The following CACNA2D3 variants were observed in gnomAD, a reference collection of about 807,000 sequenced individuals.
CACNA2D3 encodes the protein voltage-dependent calcium channel subunit alpha-2/delta-3.
In CACNA2D3, 60 loss-of-function variants were observed where a neutral mutation model predicts 160.6. The observed-to-expected ratio is 0.37, with a 90% CI of 0.30 to 0.46. CACNA2D3 has a LOEUF of 0.46. Ranked by LOEUF, CACNA2D3 falls within the 20% of genes least tolerant of loss-of-function variation. The pLI is 1.00. For missense variants in CACNA2D3, 1,205 were observed against 1,365.0 expected (o/e 0.88, Z 1.85); for synonymous variants, 558 against 492.9 (o/e 1.13, Z -1.75).
chr3:54,982,984 C>T (rs1702539322), intron 29 of CACNA2D3, among the ~76,000 whole-genome samples: 1 of 152,144 alleles, frequency 6.6e-6, no homozygotes, highest in Non-Finnish European at 1.5e-5. Flanking sequence ...CATCCTGTGA[C>T]TTAGAATGCC....
Position 54,445,025 on chromosome 3 carries a change from T to A in CACNA2D3, c.381+58251T>A, listed in dbSNP as rs1022776610. Among the ~76,000 whole-genome samples the A allele has an allele frequency of 3.9e-5, 6 of 152,208 alleles. 1 individual carries two copies. The South Asian group carries it at 6.2e-4, about 16-fold the overall frequency. On this transcript the variant is annotated intron_variant, in intron 4 of 37. Transcript: ENST00000474759. ...TGCCATGAGGGAGTCTCAGTCTGAT[T>A]TAAATGTACTGGAGAATGCAGACTC...
intron 3 of CACNA2D3, among the ~76,000 whole-genome samples, chr3:54,362,508 T>TC (rs1698760438): frequency 1.3e-5 from 2 of 152,120 alleles, no homozygotes; most frequent in Admixed American, 1.3e-4. Context: ...CTGCCCACAC[T>TC]CCCGGGAGGG....
chr3:54,785,301 G>A (rs1235632410), intron 13 of CACNA2D3, among the ~76,000 whole-genome samples: 1 of 152,100 alleles, frequency 6.6e-6, no homozygotes, highest in Admixed American at 6.5e-5. Flanking sequence ...TGTAACATCT[G>A]CTCCTCAGCT....
chr3:54,521,360 C>G (rs1444310405), intron 5 of CACNA2D3, among the ~76,000 whole-genome samples: 1 of 152,092 alleles, frequency 6.6e-6, no homozygotes, highest in Non-Finnish European at 1.5e-5. Context: ...GGAGAAATGT[C>G]TCTTTAGATC....
At chr3:54,422,902 T>C (rs988367231) in intron 4 of CACNA2D3, among the ~76,000 whole-genome samples, 2 of 152,196 alleles carry the variant, frequency 1.3e-5, no homozygotes, top group South Asian at 4.1e-4. Flanking sequence ...TGCCTAAATG[T>C]TTGCCTGTGT....
intron 12 of CACNA2D3, among the ~76,000 whole-genome samples, chr3:54,759,775 C>A (rs1195466406): frequency 6.6e-6 from 1 of 152,164 alleles, no homozygotes; most frequent in Non-Finnish European, 1.5e-5. Flanking sequence ...TTAGAGTTAC[C>A]CTCCTGGGGG....
intron 2 of CACNA2D3, among the ~76,000 whole-genome samples, chr3:54,244,503 G>C (rs1201726701): frequency 6.6e-6 from 1 of 152,250 alleles, no homozygotes; most frequent in African/African-American, 2.4e-5. Flanking sequence ...GGAGTTCCCT[G>C]TGGCAGGAGC....
chr3:54,613,288 C>T (rs1392494221), intron 9 of CACNA2D3, among the ~76,000 whole-genome samples: 2 of 152,114 alleles, frequency 1.3e-5, no homozygotes, highest in Non-Finnish European at 2.9e-5. Context: ...AAAAAGTTTC[C>T]TGTATTGGTG....
chr3:54,157,962 A>G (rs1447934451), intron 2 of CACNA2D3, among the ~76,000 whole-genome samples: 1 of 152,240 alleles, frequency 6.6e-6, no homozygotes. Flanking sequence ...GAAGCAAGAT[A>G]TAATTTTAAA....
intron 4 of CACNA2D3, among the ~76,000 whole-genome samples, chr3:54,466,383 A>G (rs560030865): frequency 2.0e-5 from 3 of 152,338 alleles, no homozygotes; most frequent in African/African-American, 2.4e-5. Context: ...ATCACTGTTA[A>G]TGCTGGTTAT....
At chr3:54,434,708 G>A (rs1487586496) in intron 4 of CACNA2D3, among the ~76,000 whole-genome samples, 1 of 152,172 alleles carries the variant, frequency 6.6e-6, no homozygotes, top group Non-Finnish European at 1.5e-5. Context: ...CAACCAGGAG[G>A]GTCTCCATCT....
At chr3:55,060,549 T>G (rs928349741) in intron 35 of CACNA2D3, among the ~76,000 whole-genome samples, 1 of 152,218 alleles carries the variant, frequency 6.6e-6, no homozygotes. Context: ...GAAAATGATA[T>G]TTCTTTGAGT....
At chr3:55,039,054 C>A (rs1703900178) in intron 35 of CACNA2D3, among the ~76,000 whole-genome samples, 1 of 151,780 alleles carries the variant, frequency 6.6e-6, no homozygotes, top group South Asian at 2.1e-4. Context: ...TGCTGCCCTG[C>A]AACTTTAGTT....
intron 4 of CACNA2D3, among the ~76,000 whole-genome samples, chr3:54,463,671 C>A (rs1371147273): frequency 6.6e-6 from 1 of 151,894 alleles, no homozygotes; most frequent in South Asian, 2.1e-4. Context: ...ATACATTCGT[C>A]TAAGTTTTTA....
intron 27 of CACNA2D3, among the ~76,000 whole-genome samples, chr3:54,954,290 G>A (rs1701827641): frequency 6.6e-6 from 1 of 152,186 alleles, no homozygotes; most frequent in Non-Finnish European, 1.5e-5. Flanking sequence ...AAGAGCCTGC[G>A]GGAGCACGAA....
At chr3:54,554,487 A>G (rs1182165476) in intron 5 of CACNA2D3, among the ~76,000 whole-genome samples, 1 of 152,208 alleles carries the variant, frequency 6.6e-6, no homozygotes, top group Non-Finnish European at 1.5e-5. Context: ...GGATAGTCTC[A>G]GGACAGCTGA....
intron 2 of CACNA2D3, among the ~76,000 whole-genome samples, chr3:54,141,122 G>A (rs1437097726): frequency 9.4e-6 from 1 of 105,942 alleles, no homozygotes; most frequent in African/African-American, 4.2e-5. Flanking sequence ...TGCCTGAGAT[G>A]TGTCATATTA....
At chr3:55,041,617 T>G (rs1419138212) in intron 35 of CACNA2D3, among the ~76,000 whole-genome samples, 1 of 152,138 alleles carries the variant, frequency 6.6e-6, no homozygotes, top group Non-Finnish European at 1.5e-5. Context: ...TTTCAAAAAA[T>G]CATTCTTTGG....
chr3:54,303,220 G>A (rs1339822731), intron 2 of CACNA2D3, among the ~76,000 whole-genome samples: 1 of 152,154 alleles, frequency 6.6e-6, no homozygotes, highest in Non-Finnish European at 1.5e-5. Flanking sequence ...TTTCTTCTCT[G>A]GAGTAGTCCT....
Sources: allele counts gnomAD v4.1 joint callset (sites outside exome capture counted in the v4.1 genomes callset), GRCh38; gene constraint gnomAD v4.1.1; transcripts MANE v1.5; gene names NCBI Gene and HGNC (gene_info 2026-07-23, HGNC 2026-07-21).